The following FLCN variants were observed in gnomAD, a reference collection of about 807,000 sequenced individuals.
FLCN encodes folliculin, also known as BHD skin lesion fibrofolliculoma protein.
In FLCN, 22 loss-of-function variants were observed where a neutral mutation model predicts 62.5. That is an observed-to-expected ratio of 0.35 (90% CI 0.25 to 0.50). The LOEUF (loss-of-function observed/expected upper bound fraction) is 0.50, where lower values mean the gene tolerates loss of function less well. Ranked by LOEUF, FLCN falls within the 20% of genes least tolerant of loss-of-function variation. The pLI, the probability that FLCN is intolerant of heterozygous loss-of-function variation, is 0.97. For missense variants in FLCN, 657 were observed against 778.0 expected, an observed-to-expected ratio of 0.84 and a Z score of 1.85; for synonymous variants, 319 against 310.0, an observed-to-expected ratio of 1.03 and a Z score of -0.30.
At chr17:17,232,417 G>A (rs2047451616) in intron 2 of FLCN, among the ~76,000 whole-genome samples, 1 of 152,214 alleles carries the variant, frequency 6.6e-6, no homozygotes, top group Non-Finnish European at 1.5e-5. Context: ...TTGGAAAGAT[G>A]ACAGCTGTTG....
intron 13 of FLCN, among the ~76,000 whole-genome samples, 159 bp from the exon 14 acceptor site, chr17:17,214,015 T>C (rs2046829763): frequency 6.6e-6 from 1 of 152,140 alleles, no homozygotes; most frequent in Admixed American, 6.5e-5. Flanking sequence ...GCCCCTGAAC[T>C]GCTGAAAGGA....
intron 8 of FLCN, 138 bp downstream of exon 8, chr17:17,221,399 G>A (rs778156766): frequency 6.2e-6 from 10 of 1,613,512 alleles, no homozygotes; most frequent in Non-Finnish European, 8.5e-6. Flanking sequence ...ATCGGAGGGT[G>A]AGCTTCCCGA....
At chr17:17,214,508 C>G (rs887434791) in intron 13 of FLCN, among the ~76,000 whole-genome samples, 17 of 151,990 alleles carry the variant, frequency 1.1e-4, no homozygotes, top group Admixed American at 1.1e-3. Flanking sequence ...GCAGAAGAAT[C>G]GCTTGAACCC....
At position 17,212,938 on chromosome 17, in the gene FLCN, T is replaced by A. The variant is rs550746288; in HGVS notation, c.*717A>T. On this transcript the variant is annotated 3_prime_UTR_variant, in exon 14 of 14. Transcript: ENST00000285071. ...GGCGGGGCTCACCATATCCAGGGGA[T>A]TGGGCAAGTCAGATGCTTGCCGACC... 1.3e-5 allele frequency: 3 copies of A among 235,456 alleles called. No individual in the cohort carries two copies. The highest frequency in any genetic ancestry group is 6.6e-5 in the African/African-American group (3 of 45,420). 14.6% of individuals were successfully genotyped at this position (235,456 alleles called of 1,614,324 possible).
rs2046863154 is a variant in FLCN at position 17,214,909 on chromosome 17, A to C, written c.1538+76T>G. 34 of 1,488,034 alleles carry C rather than the reference A, an allele frequency of 2.3e-5. No homozygotes were observed. In the South Asian group the frequency reaches 3.7e-4, roughly 16 times the overall value. The allele number at this position is 1,488,034 out of a possible 1,614,324, so 92.2% of individuals were successfully genotyped here. A position where few individuals can be genotyped will look rare whatever the true frequency, so the allele number is the denominator to read the frequency against. On this transcript the variant is annotated intron_variant, in intron 13 of 13. Transcript: ENST00000285071. ...GCTCCTCCCTCAGTGGCCACGGCCC[A>C]GCTCCTCTTTTGGAAACAGCTCCAG...
intron 7 of FLCN, 118 bp from the exon 8 acceptor site, chr17:17,221,746 A>G (rs1000781801): frequency 8.5e-5 from 93 of 1,095,620 alleles, no homozygotes; most frequent in Non-Finnish European, 1.1e-4. Flanking sequence ...GAACACCAGC[A>G]GGGCACAACC....
At chr17:17,215,148 T>C in intron 12 of FLCN, 37 bp downstream of exon 12, 1 of 1,614,012 alleles carries the variant, frequency 6.2e-7, no homozygotes, top group Non-Finnish European at 8.5e-7. Flanking sequence ...CGGGGGCATC[T>C]TCTCACAAAA....
At position 17,213,799 on chromosome 17, in the gene FLCN, T is replaced by G. The variant is rs2144811189; in HGVS notation, c.1596A>C (p.Thr532=). The change falls in exon 14 of 14, where the codon ACA becomes ACC. Residue 532 remains threonine (T), a synonymous_variant. Transcript: ENST00000285071. ...TKVDSRPKED[T]QKLLSILGAS... is the part of the protein sequence containing the mutation. ...CACCCAGGATGCTCAGCAGCTTCTG[T>G]GTGTCCTCTTTGGGTCGACTGTCCA... The G allele has an allele frequency of 6.2e-7, 1 of 1,614,246 alleles. No individual in the cohort carries two copies. The highest frequency in any genetic ancestry group is 1.3e-5 in the African/African-American group (1 of 75,060).
At chr17:17,214,087 G>A (rs1017432288) in intron 13 of FLCN, among the ~76,000 whole-genome samples, 8 of 152,188 alleles carry the variant, frequency 5.3e-5, no homozygotes, top group African/African-American at 1.9e-4. Flanking sequence ...TCGGGTATGG[G>A]TATGGGGCCT....
chr17:17,218,204 T>C (rs2046980747), intron 9 of FLCN, among the ~76,000 whole-genome samples: 1 of 152,200 alleles, frequency 6.6e-6, no homozygotes, highest in African/African-American at 2.4e-5. Context: ...TCGATGTAAC[T>C]GGAGACAACA....
chr17:17,231,977 C>G (rs2047436538), intron 2 of FLCN, 95 bp from the exon 3 acceptor site: 1 of 153,116 alleles, frequency 6.5e-6, no homozygotes, highest in African/African-American at 2.4e-5. Flanking sequence ...GAGGGAGACC[C>G]TGGGTGTGGC....
intron 5 of FLCN, 59 bp from the exon 6 acceptor site, chr17:17,224,202 G>A: frequency 6.8e-7 from 1 of 1,468,842 alleles, no homozygotes; most frequent in South Asian, 1.2e-5. Context: ...CCAAATCAAA[G>A]CCTCTTCTTC....
Position 17,213,418 on chromosome 17 carries a change from C to T in FLCN, c.*237G>A, listed in dbSNP as rs1261913266. The T allele has an allele frequency of 6.6e-6, 4 of 608,546 alleles. No individual in the cohort carries two copies. Among genetic ancestry groups the T allele is most frequent in the Non-Finnish European group, 1.2e-5 (4 of 340,096 alleles). 37.7% of individuals were successfully genotyped at this position (608,546 alleles called of 1,614,324 possible). On this transcript the variant is annotated 3_prime_UTR_variant, in exon 14 of 14. Transcript: ENST00000285071. ...CCAAGGAGTTTGAACACAGAGAGAG[C>T]CCATCATCCCTCCGCCTTTCATTGC...
chr17:17,217,276 T>C, intron 9 of FLCN, 94 bp from the exon 10 acceptor site: 6 of 893,124 alleles, frequency 6.7e-6, no homozygotes, highest in South Asian at 1.4e-5. Flanking sequence ...TAAAACTTTG[T>C]AGAGCAAAGA....
chr17:17,215,055 G>C lies in FLCN; in HGVS notation c.1468C>G (p.Leu490Val), dbSNP rs2144832929. The C allele has an allele frequency of 6.2e-7, 1 of 1,614,200 alleles. No homozygotes were observed. The highest frequency in any genetic ancestry group is 8.5e-7 in the Non-Finnish European group (1 of 1,180,024). The change falls in exon 13 of 14, where the codon CTG becomes GTG. Residue 490 changes from leucine to valine, a missense_variant. By Grantham distance (32) the Leu-to-Val change is conservative. Coordinates refer to ENST00000285071, the MANE Select transcript of FLCN (RefSeq NM_144997.7). ...TCCACAGACAGGTTCTGGTTGGTCAGAGCCGCTTCAATCTTATTCAGGATG... is the reference window on the plus strand; with the variant it reads ...TCCACAGACAGGTTCTGGTTGGTCACAGCCGCTTCAATCTTATTCAGGATG... The part of the protein sequence containing the change: ...PTILNKIEAA[L>V]TNQNLSVDVV...
rs2046811734 is a variant in FLCN at position 17,213,545 on chromosome 17, GGGA to G, written c.*107_*109del. ...GCCCTGATGGTTTCCCTTCCTTGCTGGGACACAGCTCCTTCCAGCAGTTGAGAA... is the reference window on the plus strand; with the variant it reads ...GCCCTGATGGTTTCCCTTCCTTGCTGCACAGCTCCTTCCAGCAGTTGAGAA... On this transcript the variant is annotated 3_prime_UTR_variant, in exon 14 of 14. Coordinates refer to ENST00000285071, the MANE Select transcript of FLCN (RefSeq NM_144997.7). 3 of 1,460,930 alleles carry G rather than the reference GGGA, an allele frequency of 2.1e-6. No individual in the cohort carries two copies. The East Asian group carries it at 6.9e-5, about 33-fold the overall frequency. 90.5% of individuals were successfully genotyped at this position (1,460,930 alleles called of 1,614,324 possible). A position where few individuals can be genotyped will look rare whatever the true frequency, so the allele number is the denominator to read the frequency against.
At position 17,217,096 on chromosome 17, in the gene FLCN, G is replaced by A. The variant is rs150752548; in HGVS notation, c.1149C>T (p.Leu383=). ...QVIWKSRDVD[L]VQSAFEVLRT... Reference sequence around the variant, plus strand: ...GAAGTACTTCAAAAGCTGACTGGACGAGGTCCACGTCTCTGCTTTTCCAGA... The same window carrying A: ...GAAGTACTTCAAAAGCTGACTGGACAAGGTCCACGTCTCTGCTTTTCCAGA... The change falls in exon 10 of 14, where the codon CTC becomes CTT. Residue 383 remains leucine, a synonymous_variant. Coordinates refer to ENST00000285071, the MANE Select transcript of FLCN (RefSeq NM_144997.7). 2.4e-4 allele frequency: 392 copies of A among 1,613,558 alleles called. 1 individual carries two copies. Among genetic ancestry groups the A allele is most frequent in the South Asian group, 7.9e-4 (72 of 91,074 alleles).
chr17:17,222,319 C>T (rs1312310557), intron 7 of FLCN, among the ~76,000 whole-genome samples, 182 bp downstream of exon 7: 2 of 152,164 alleles, frequency 1.3e-5, no homozygotes, highest in Non-Finnish European at 2.9e-5. Flanking sequence ...AAGAGGCCTA[C>T]AGAACAAGGA....
intron 5 of FLCN, 175 bp downstream of exon 5, chr17:17,226,001 C>T: frequency 1.1e-6 from 1 of 875,870 alleles, no homozygotes; most frequent in Non-Finnish European, 1.9e-6. Context: ...CATGACTCCT[C>T]CCGCAATTCT....
Sources: gnomAD v4.1 joint callset for allele counts (sites outside exome capture counted in the v4.1 genomes callset) on GRCh38, gnomAD v4.1.1 for gene constraint, MANE v1.5 for transcripts, NCBI Gene and HGNC (gene_info 2026-07-23, HGNC 2026-07-21) for gene names.